Variants in IQGAP2 observed in about 807,000 individuals in gnomAD.
The protein encoded by IQGAP2 is ras GTPase-activating-like protein IQGAP2.
In IQGAP2, 173 loss-of-function variants were observed where a neutral mutation model predicts 201.3. The ratio of observed to expected loss-of-function variants is 0.86; its 90% CI spans 0.76 to 0.98. IQGAP2 has a LOEUF of 0.98. Ranked by LOEUF, IQGAP2 falls within the 50% of genes least tolerant of loss-of-function variation. IQGAP2 has a pLI of 0.00. For missense variants in IQGAP2, 1,687 were observed against 1,864.8 expected, an observed-to-expected ratio of 0.90 and a Z score of 1.76; for synonymous variants, 675 against 673.9, an observed-to-expected ratio of 1.00 and a Z score of -0.03.
chr5:76,509,504 C>G (rs2150179859), intron 2 of IQGAP2, among the ~76,000 whole-genome samples: 1 of 151,884 alleles, frequency 6.6e-6, no homozygotes, highest in East Asian at 1.9e-4. Context: ...TCACGCCATT[C>G]TTCTGCCTCA....
Position 76,570,569 on chromosome 5 carries a change from C to T in IQGAP2, c.304-11C>T, listed in dbSNP as rs375424418. 73 of 1,599,704 alleles carry T rather than the reference C, an allele frequency of 4.6e-5. No individual in the cohort carries two copies. Among genetic ancestry groups the T allele is most frequent in the African/African-American group, 4.4e-4 (33 of 74,574 alleles). Reference sequence around the variant, plus strand: ...CCTTCTCTCCCTTTTTCCCTCCTATCGTCACTTTAGAAGTCTGGCCTTCAT... The same window carrying T: ...CCTTCTCTCCCTTTTTCCCTCCTATTGTCACTTTAGAAGTCTGGCCTTCAT... On this transcript the variant is annotated splice_polypyrimidine_tract_variant and intron_variant, in intron 3 of 35. Transcript: ENST00000274364.
intron 9 of IQGAP2, among the ~76,000 whole-genome samples, chr5:76,593,237 A>T (rs558277965): frequency 1.3e-5 from 2 of 152,336 alleles, no homozygotes; most frequent in Non-Finnish European, 2.9e-5. Context: ...GTAAAAGATT[A>T]TAATTTACAG....
rs148730544 is a variant in IQGAP2, at chr5:76,591,389, C to G, written c.819+803C>G. 2.8e-3 allele frequency among the ~76,000 whole-genome samples: 425 copies of G among 152,170 alleles called. 4 individuals are homozygous for G. The highest frequency in any genetic ancestry group is 9.8e-3 in the African/African-American group (409 of 41,546). On this transcript the variant is annotated intron_variant, in intron 8 of 35. Coordinates refer to ENST00000274364, the MANE Select transcript of IQGAP2 (RefSeq NM_006633.5). ...TCCCTCCTGTACAAGACAGCCTGCT[C>G]CTAATCGTAACTCCATTTGTAACCA...
intron 2 of IQGAP2, among the ~76,000 whole-genome samples, chr5:76,468,903 G>C (rs1268620244): frequency 6.6e-6 from 1 of 152,104 alleles, no homozygotes; most frequent in Non-Finnish European, 1.5e-5. Flanking sequence ...TCCACATCCA[G>C]GTCAAACTCA....
chr5:76,581,228 T>C (rs142457373), intron 5 of IQGAP2, among the ~76,000 whole-genome samples: 269 of 152,362 alleles, frequency 1.8e-3, no homozygotes, highest in African/African-American at 5.7e-3. Flanking sequence ...CATTAATGCA[T>C]AACTTTCCTT....
intron 1 of IQGAP2, among the ~76,000 whole-genome samples, chr5:76,407,249 G>A (rs1750851044): frequency 6.6e-6 from 1 of 152,090 alleles, no homozygotes; most frequent in Admixed American, 6.5e-5. Context: ...TTACAGGTGT[G>A]AGTCACCACA....
At chr5:76,563,506 A>G (rs1486810191) in intron 3 of IQGAP2, among the ~76,000 whole-genome samples, 1 of 152,224 alleles carries the variant, frequency 6.6e-6, no homozygotes, top group Non-Finnish European at 1.5e-5. Flanking sequence ...ATAGGAGTTC[A>G]TTATACTATT....
chr5:76,407,493 A>G lies in IQGAP2; in HGVS notation c.46+3902A>G, dbSNP rs576207382. Among the ~76,000 whole-genome samples the G allele has an allele frequency of 7.9e-5, 12 of 152,316 alleles. No individual in the cohort carries two copies. The South Asian group carries it at 2.5e-3, about 32-fold the overall frequency. On this transcript the variant is annotated intron_variant, in intron 1 of 35. Transcript: ENST00000274364. Reference sequence around the variant, plus strand: ...TAGCATAGCTCAGCTGTAACATCCTATCAGTGCTTTCGTTTGAACCATAGA... The same window carrying G: ...TAGCATAGCTCAGCTGTAACATCCTGTCAGTGCTTTCGTTTGAACCATAGA...
Position 76,590,575 on chromosome 5 carries a change from G to A in IQGAP2, c.808G>A (p.Ala270Thr). The A allele has an allele frequency of 6.2e-7, 1 of 1,608,206 alleles. No individual in the cohort carries two copies. Among genetic ancestry groups the A allele is most frequent in the Non-Finnish European group, 8.5e-7 (1 of 1,177,992 alleles). The change falls in exon 8 of 36, where the codon GCA (alanine) becomes ACA (threonine). Residue 270 changes from alanine (A) to threonine (T), a missense_variant. Physicochemically the swap from Ala to Thr is moderately conservative, Grantham distance 58. Coordinates refer to ENST00000274364, the MANE Select transcript of IQGAP2 (RefSeq NM_006633.5). The part of the protein sequence containing the change: ...WDAKKKKEEN[A>T]RLKNSCISEE... ...TGCCAAAAAGAAAAAAGAGGAAAAT[G>A]CAAGACTGAAGGTGCTTAGATTCTG...
At chr5:76,569,287 G>A (rs990541818) in intron 3 of IQGAP2, among the ~76,000 whole-genome samples, 22 of 151,940 alleles carry the variant, frequency 1.4e-4, no homozygotes, top group African/African-American at 4.6e-4. Context: ...TCATCTTTTT[G>A]GTCTATCTTT....
At chr5:76,550,217 G>A (rs888154409) in intron 2 of IQGAP2, among the ~76,000 whole-genome samples, 1 of 152,084 alleles carries the variant, frequency 6.6e-6, no homozygotes, top group Non-Finnish European at 1.5e-5. Flanking sequence ...AAACTTGGAA[G>A]GAAGAAAAAA....
At chr5:76,687,821 C>G (rs910952412) in intron 30 of IQGAP2, among the ~76,000 whole-genome samples, 5 of 152,210 alleles carry the variant, frequency 3.3e-5, no homozygotes, top group African/African-American at 1.2e-4. Context: ...GGCATCCACT[C>G]ATTCTGTATT....
intron 11 of IQGAP2, among the ~76,000 whole-genome samples, chr5:76,604,498 G>T (rs1359251062): frequency 6.6e-6 from 1 of 151,882 alleles, no homozygotes; most frequent in Non-Finnish European, 1.5e-5. Context: ...GGATTACTGG[G>T]TCAAATGGTG....
chr5:76,407,242 C>T (rs1254786083), intron 1 of IQGAP2, among the ~76,000 whole-genome samples: 1 of 152,128 alleles, frequency 6.6e-6, no homozygotes, highest in Non-Finnish European at 1.5e-5. Context: ...GCTGGGATTA[C>T]AGGTGTGAGT....
At chr5:76,695,717 TCACCA>T in intron 32 of IQGAP2, 51 bp downstream of exon 32, 1 of 1,458,186 alleles carries the variant, frequency 6.9e-7, no homozygotes, top group Non-Finnish European at 9.6e-7. Flanking sequence ...CATTTGCTAA[TCACCA>T]GTCAAGTGCT....
intron 2 of IQGAP2, among the ~76,000 whole-genome samples, chr5:76,552,766 A>G (rs1305471810): frequency 6.6e-6 from 1 of 152,200 alleles, no homozygotes; most frequent in Non-Finnish European, 1.5e-5. Context: ...GTTCTGTGGA[A>G]CACAGTTTGG....
intron 20 of IQGAP2, among the ~76,000 whole-genome samples, chr5:76,656,516 A>AT (rs1013855489): frequency 1.3e-4 from 19 of 150,622 alleles, no homozygotes; most frequent in Middle Eastern, 3.4e-3. Context: ...GCTAAAGAGG[A>AT]TTTTTTTTTC....
At chr5:76,578,004 G>T (rs1366774193) in intron 5 of IQGAP2, among the ~76,000 whole-genome samples, 1 of 152,146 alleles carries the variant, frequency 6.6e-6, no homozygotes, top group Non-Finnish European at 1.5e-5. Context: ...GGCCTGACTT[G>T]ATCTAAAAAG....
intron 22 of IQGAP2, 93 bp from the exon 23 acceptor site, chr5:76,668,588 G>A (rs1743999913): frequency 1.0e-6 from 1 of 968,074 alleles, no homozygotes; most frequent in South Asian, 1.5e-5. Context: ...TCATTGAAGA[G>A]CAGGGAATCA....
Sources: gnomAD v4.1 joint callset for allele counts (sites outside exome capture counted in the v4.1 genomes callset) on GRCh38, gnomAD v4.1.1 for gene constraint, MANE v1.5 for transcripts, NCBI Gene and HGNC (gene_info 2026-07-23, HGNC 2026-07-21) for gene names.